The following MRTFB variants were observed in gnomAD, a reference collection of about 807,000 sequenced individuals.
The protein encoded by MRTFB is myocardin-related transcription factor B.
Under a neutral mutation model 104.2 loss-of-function variants are expected in MRTFB, and 29 were observed. The observed-to-expected ratio is 0.28, with a 90% CI of 0.21 to 0.38. The LOEUF is 0.38. Among genes scored for constraint, MRTFB ranks in the 10% least tolerant of loss-of-function variants. The probability of loss-of-function intolerance (pLI) is 1.00; values close to 1 mark genes in which losing one functional copy is unlikely to be tolerated. For missense variants in MRTFB, 1,270 were observed against 1,341.6 expected (o/e 0.95, Z 0.83); for synonymous variants, 535 against 519.5 (o/e 1.03, Z -0.41).
the MRTFB span, among the ~76,000 whole-genome samples, chr16:14,003,669 C>G: frequency 3.7e-5 from 5 of 134,132 alleles, no homozygotes; most frequent in Admixed American, 6.9e-5. Context: ...TCCCTCCCTC[C>G]CTTCCTTCCT....
At chr16:14,234,005 G>A in intron 8 of MRTFB, 141 bp from the exon 9 acceptor site, 1 of 972,956 alleles carries the variant, frequency 1.0e-6, no homozygotes, top group African/African-American at 1.6e-5. Flanking sequence ...TCCACCATCT[G>A]GCCTCAGACA....
chr16:14,017,108 G>C, the MRTFB span, among the ~76,000 whole-genome samples: 1 of 143,986 alleles, frequency 6.9e-6, no homozygotes, highest in Non-Finnish European at 1.5e-5. Context: ...CCAGGCTGGA[G>C]TGCAGTGGAG....
chr16:14,045,421 C>T, the MRTFB span, among the ~76,000 whole-genome samples: 8 of 152,184 alleles, frequency 5.3e-5, no homozygotes, highest in Non-Finnish European at 1.0e-4. Context: ...GGCTGCAAGA[C>T]GTTAGCCTTA....
the MRTFB span, among the ~76,000 whole-genome samples, chr16:13,996,982 G>A: frequency 1.3e-5 from 2 of 152,338 alleles, no homozygotes; most frequent in South Asian, 4.1e-4. Flanking sequence ...AGCACATTAG[G>A]GTTGTGACCT....
chr16:14,045,749 G>A, the MRTFB span, among the ~76,000 whole-genome samples: 1 of 152,192 alleles, frequency 6.6e-6, no homozygotes, highest in Non-Finnish European at 1.5e-5. Context: ...TGACTTCTGA[G>A]AAATGAATGA....
chr16:14,022,100 C>T, the MRTFB span, among the ~76,000 whole-genome samples: 1 of 152,178 alleles, frequency 6.6e-6, no homozygotes, highest in East Asian at 1.9e-4. Flanking sequence ...AGGATAATCT[C>T]CCTATTTTAA....
At chr16:14,013,087 C>T in the MRTFB span, 2 of 152,156 alleles carry the variant, frequency 1.3e-5, no homozygotes, top group African/African-American at 2.4e-5. Flanking sequence ...TTTAGGAGGC[C>T]AGTATTGAAC....
intron 2 of MRTFB, among the ~76,000 whole-genome samples, chr16:14,101,098 C>T (rs1201820851): frequency 6.9e-6 from 1 of 143,984 alleles, no homozygotes; most frequent in African/African-American, 2.5e-5. Context: ...TCTGCTTACT[C>T]TCTCTGTGGG....
intron 3 of MRTFB, chr16:14,170,599 T>C (rs2039391992): frequency 6.6e-6 from 1 of 152,220 alleles, no homozygotes. Context: ...AATTTACTGC[T>C]ATAGTTAATG....
chr16:14,029,417 AAAATATAT>A, the MRTFB span, among the ~76,000 whole-genome samples: 1 of 70,444 alleles, frequency 1.4e-5, no homozygotes, highest in Non-Finnish European at 3.2e-5. Flanking sequence ...AAAAAAAAAA[AAAATATAT>A]ATATATATAT....
Position 14,245,652 on chromosome 16 carries a change from G to A in MRTFB, c.1204G>A (p.Asp402Asn). 2 of 1,607,998 alleles carry A rather than the reference G, an allele frequency of 1.2e-6. No individual in the cohort carries two copies. The highest frequency in any genetic ancestry group is 1.7e-6 in the Non-Finnish European group (2 of 1,178,618). The part of the protein sequence containing the change: ...KPGPLPSSLD[D>N]LKVSELKTEL... ...AGGACCTCTGCCTTCTAGCCTGGAT[G>A]ACTTAAAGGTGACAATTGCAACTGG... The change falls in exon 11 of 17, where the codon GAC becomes AAC. Residue 402 changes from aspartate to asparagine, a missense_variant. Asp to Asn is a conservative substitution (Grantham distance 23). This residue lies in a region of MRTFB where 1,144 missense variants were observed against 1,131.5 expected (regional missense o/e 1.01). Coordinates refer to ENST00000571589, the MANE Select transcript of MRTFB (RefSeq NM_001308142.2).
the MRTFB span, among the ~76,000 whole-genome samples, chr16:14,000,289 G>A: frequency 4.0e-4 from 61 of 152,360 alleles, no homozygotes; most frequent in Middle Eastern, 3.4e-3. Flanking sequence ...AGCCCCCGGC[G>A]GGGGAGGAGG....
chr16:14,117,013 C>G (rs1215405193), intron 2 of MRTFB, among the ~76,000 whole-genome samples: 1 of 152,194 alleles, frequency 6.6e-6, no homozygotes, highest in African/African-American at 2.4e-5. Flanking sequence ...TCTAGCTCAG[C>G]TCTCTCGGGA....
intron 8 of MRTFB, among the ~76,000 whole-genome samples, chr16:14,226,981 TA>T (rs71150169): frequency 0.85 from 128,107 of 150,560 alleles, 55,194 homozygotes; most frequent in Non-Finnish European, 0.93. Context: ...ACCTGTCTCT[TA>T]AAAAAAAAAG....
intron 2 of MRTFB, among the ~76,000 whole-genome samples, chr16:14,117,777 A>G (rs542611698): frequency 5.9e-5 from 9 of 152,132 alleles, no homozygotes; most frequent in Non-Finnish European, 1.3e-4. Flanking sequence ...AGAAAGAGGT[A>G]CCTGGGATGA....
chr16:14,011,228 G>A, the MRTFB span, among the ~76,000 whole-genome samples: 1 of 152,260 alleles, frequency 6.6e-6, no homozygotes. Context: ...GATGTATTCA[G>A]CTGTTTCTTC....
rs139560226 is a variant in MRTFB, at chr16:14,248,152, G to A, written c.2247+645G>A. On this transcript the variant is annotated intron_variant, in intron 12 of 16. Transcript: ENST00000571589. ...GAGATGAGAAAACACTGATGAGCAT[G>A]AAATTCCCTTTTGTGCGTACATAAC... 587 of 152,686 alleles carry A rather than the reference G, an allele frequency of 3.8e-3. 1 individual carries two copies. Among genetic ancestry groups the A allele is most frequent in the Middle Eastern group, 6.8e-3 (2 of 294 alleles). The allele number at this position is 152,686 out of a possible 1,614,324, so 9.5% of individuals were successfully genotyped here.
the MRTFB span, among the ~76,000 whole-genome samples, chr16:14,064,406 C>G: frequency 7.9e-5 from 12 of 152,096 alleles, no homozygotes; most frequent in African/African-American, 2.9e-4. Flanking sequence ...TATTTTCTCC[C>G]ATTGTGTGGT....
At chr16:14,198,700 C>A (rs533654732) in intron 3 of MRTFB, among the ~76,000 whole-genome samples, 1 of 152,342 alleles carries the variant, frequency 6.6e-6, no homozygotes, top group South Asian at 2.1e-4. Flanking sequence ...ACCTTTCTTT[C>A]AACTTCTCCA....
Sources: gnomAD v4.1 joint callset for allele counts (sites outside exome capture counted in the v4.1 genomes callset) on GRCh38, gnomAD v4.1.1 for gene constraint, gnomAD v4.1.1 regional missense constraint, MANE v1.5 for transcripts, NCBI Gene and HGNC (gene_info 2026-07-23, HGNC 2026-07-21) for gene names.